HPF1: variants seen among roughly 807,000 people sequenced by gnomAD.
HPF1 encodes the protein histone PARylation factor 1.
In HPF1, 35 loss-of-function variants were observed where a neutral mutation model predicts 38.8. The ratio of observed to expected loss-of-function variants is 0.90; its 90% CI spans 0.69 to 1.19. HPF1 has a LOEUF of 1.19. Ranked by LOEUF, HPF1 falls within the 50% of genes most tolerant of loss-of-function variation. The pLI is 0.00. For synonymous variants in HPF1, 115 were observed against 139.2 expected (o/e 0.83, Z 1.22); for missense variants, 367 against 405.8 (o/e 0.90, Z 0.82).
intron 5 of HPF1, among the ~76,000 whole-genome samples, chr4:169,740,850 TAAAAAAAGAC>T (rs1733959893): frequency 6.6e-6 from 1 of 151,918 alleles, no homozygotes; most frequent in African/African-American, 2.4e-5. Flanking sequence ...GGTAGAAAAA[TAAAAAAAGAC>T]TGATTAAATA....
chr4:169,750,573 C>T lies in HPF1; in HGVS notation c.361G>A (p.Gly121Arg). The T allele has an allele frequency of 6.2e-7, 1 of 1,609,998 alleles. No individual in the cohort carries two copies. The highest frequency in any genetic ancestry group is 1.1e-5 in the South Asian group (1 of 89,916). Residue 121 changes from glycine (G) to arginine (R), a missense_variant, in exon 3 of 8, where the codon GGA (glycine) becomes AGA (arginine). Gly to Arg is a moderately radical substitution (Grantham distance 125). Transcript: ENST00000393381. ...DPPEFQTIII[G>R]DNKTQYHMGY... ...ATGTGGTACTGAGTTTTATTATCTC[C>T]AATAATAATGGTCTGGAACTCAGGA...
intron 2 of HPF1, among the ~76,000 whole-genome samples, chr4:169,751,413 A>AG (rs1269393819): frequency 6.6e-6 from 1 of 151,788 alleles, no homozygotes; most frequent in East Asian, 1.9e-4. Flanking sequence ...AAAAAAAAAA[A>AG]AAAAAAAAAG....
intron 7 of HPF1, among the ~76,000 whole-genome samples, chr4:169,730,676 G>A (rs1437168390): frequency 6.6e-6 from 1 of 152,214 alleles, no homozygotes; most frequent in African/African-American, 2.4e-5. Context: ...CATTGACGCT[G>A]ATGCACGCTA....
intron 3 of HPF1, 131 bp downstream of exon 3, chr4:169,750,405 C>G (rs977207346): frequency 8.3e-6 from 5 of 603,268 alleles, no homozygotes; most frequent in Non-Finnish European, 1.1e-5. Flanking sequence ...ACAGCAAGAA[C>G]AACAGATGGC....
intron 2 of HPF1, among the ~76,000 whole-genome samples, chr4:169,752,508 T>C (rs574786129): frequency 6.6e-6 from 1 of 152,160 alleles, no homozygotes; most frequent in African/African-American, 2.4e-5. Context: ...AACAGTTTCT[T>C]TATCCTTTCA....
chr4:169,730,597 C>G (rs1733816335), intron 7 of HPF1, among the ~76,000 whole-genome samples: 1 of 152,164 alleles, frequency 6.6e-6, no homozygotes, highest in Non-Finnish European at 1.5e-5. Context: ...TTCTCAGGAC[C>G]CACCCTAGAA....
rs757475600 is a variant in HPF1, at chr4:169,750,518, G to C, written c.398+18C>G. ...AGGACAGCAGCTGTATTTTAGAGGC[G>C]AAGAAAAGATCCTTTACCTGAAATA... is the stretch of plus-strand genomic sequence containing the variant. On this transcript the variant is annotated intron_variant, in intron 3 of 7. Coordinates refer to ENST00000393381, the MANE Select transcript of HPF1 (RefSeq NM_017867.3). 6.5e-7 allele frequency: 1 copy of C among 1,548,274 alleles called. No homozygotes were observed. Among genetic ancestry groups the C allele is most frequent in the South Asian group, 1.2e-5 (1 of 83,112 alleles).
chr4:169,736,815 C>T (rs1000671257), intron 6 of HPF1, among the ~76,000 whole-genome samples: 6 of 152,212 alleles, frequency 3.9e-5, no homozygotes, highest in African/African-American at 1.4e-4. Flanking sequence ...GGGCTGTTCA[C>T]GATAAGGGAA....
chr4:169,731,871 G>A lies in HPF1; in HGVS notation c.742C>T (p.Leu248Phe). 1 of 1,610,782 alleles carries A rather than the reference G, an allele frequency of 6.2e-7. No individual in the cohort carries two copies. Among genetic ancestry groups the A allele is most frequent in the Non-Finnish European group, 8.5e-7 (1 of 1,177,438 alleles). ...ACTATTGTCTTGCAAATTCTCTTGA[G>A]GTCAGCTGAAAGAAATCAATAATAT... ...YRELPETDAD[L>F]KRICKTIVEA... The change falls in exon 7 of 8, where the codon CTC (leucine) becomes TTC (phenylalanine). Residue 248 changes from leucine (L) to phenylalanine (F), a missense_variant. By Grantham distance (22) the Leu-to-Phe change is conservative (BLOSUM62 0). Transcript: ENST00000393381.
chr4:169,750,780 C>T, intron 2 of HPF1, 55 bp from the exon 3 acceptor site: 3 of 1,269,586 alleles, frequency 2.4e-6, no homozygotes, highest in East Asian at 2.4e-5. Flanking sequence ...GGAAATAATG[C>T]TTTTATTTAG....
In HPF1 at chr4:169,741,945, T is replaced by C; in HGVS notation, c.648+12A>G. ...CTATAGCAAAACAGAGACCAACAGGTTGAAATCATACTTTCTTATCTCTCT... is the reference window on the plus strand; with the variant it reads ...CTATAGCAAAACAGAGACCAACAGGCTGAAATCATACTTTCTTATCTCTCT... On this transcript the variant is annotated intron_variant, in intron 5 of 7. Coordinates refer to ENST00000393381, the MANE Select transcript of HPF1 (RefSeq NM_017867.3). 1 of 1,609,094 alleles carries C rather than the reference T, an allele frequency of 6.2e-7. No individual in the cohort carries two copies. The highest frequency in any genetic ancestry group is 8.5e-7 in the Non-Finnish European group (1 of 1,177,996).
At chr4:169,736,497 G>A (rs1733896723) in intron 6 of HPF1, among the ~76,000 whole-genome samples, 1 of 151,970 alleles carries the variant, frequency 6.6e-6, no homozygotes. Context: ...CCTCTAAGTG[G>A]CAGGGGTACA....
rs368686466 is a variant in HPF1 at position 169,729,617 on chromosome 4, T to G, written c.1002A>C (p.Ala334=). The change falls in exon 8 of 8, where the codon GCA becomes GCC. Residue 334 remains alanine, a synonymous_variant. Transcript: ENST00000393381. ...GGTCTATGTTCTCTTGACTTCTGTT[T>G]GCCAGATGCTCCTCAATAATTTCTG... ...LFAEIIEEHL[A]NRSQENIDQL... is the part of the protein sequence containing the mutation. 1.6e-4 allele frequency: 248 copies of G among 1,589,924 alleles called. No individual in the cohort carries two copies. The highest frequency in any genetic ancestry group is 2.0e-4 in the Non-Finnish European group (229 of 1,169,372).
At chr4:169,754,394 T>A (rs1734158845) in intron 1 of HPF1, among the ~76,000 whole-genome samples, 1 of 152,176 alleles carries the variant, frequency 6.6e-6, no homozygotes, top group Admixed American at 6.5e-5. Flanking sequence ...TAGTTCCTAA[T>A]AAAGTTAGCA....
At chr4:169,739,691 G>A (rs1030801075) in intron 5 of HPF1, among the ~76,000 whole-genome samples, 9 of 152,144 alleles carry the variant, frequency 5.9e-5, no homozygotes, top group African/African-American at 2.2e-4. Context: ...AGGTATAAAA[G>A]GATATCTATG....
At chr4:169,754,697 G>T (rs1409372144) in intron 1 of HPF1, among the ~76,000 whole-genome samples, 2 of 152,096 alleles carry the variant, frequency 1.3e-5, no homozygotes, top group East Asian at 3.9e-4. Context: ...CTAGAGCAGT[G>T]GTTCTCAACC....
intron 6 of HPF1, among the ~76,000 whole-genome samples, chr4:169,736,359 C>CAAAAA (rs750923800): frequency 1.9e-5 from 2 of 103,192 alleles, no homozygotes; most frequent in South Asian, 3.1e-4. Context: ...GACCCTGTCA[C>CAAAAA]AAAAAAAAAA....
chr4:169,730,213 T>C (rs1733811700), intron 7 of HPF1, among the ~76,000 whole-genome samples: 1 of 152,262 alleles, frequency 6.6e-6, no homozygotes, highest in South Asian at 2.1e-4. Flanking sequence ...AGATTACTGC[T>C]ATTATCTACA....
rs1421136261 is a variant in HPF1, at chr4:169,748,887, T to C, written c.399-45A>G. 8 of 870,794 alleles carry C rather than the reference T, an allele frequency of 9.2e-6. No individual in the cohort carries two copies. The Admixed American group carries it at 2.1e-4, about 22-fold the overall frequency. The allele number at this position is 870,794 out of a possible 1,614,324, so 53.9% of individuals were successfully genotyped here. Reference sequence around the variant, plus strand: ...TAAAAATTTAGCTGCCCATAATTTATATTATCAGGCAAGTGGGATTTCAGG... The same window carrying C: ...TAAAAATTTAGCTGCCCATAATTTACATTATCAGGCAAGTGGGATTTCAGG... On this transcript the variant is annotated intron_variant, in intron 3 of 7. Transcript: ENST00000393381.
Sources: gnomAD v4.1 joint callset for allele counts (sites outside exome capture counted in the v4.1 genomes callset) on GRCh38, gnomAD v4.1.1 for gene constraint, MANE v1.5 for transcripts, NCBI Gene and HGNC (gene_info 2026-07-23, HGNC 2026-07-21) for gene names.